SMARCB1: variants seen among roughly 807,000 people sequenced by gnomAD.
SMARCB1 encodes the protein SWI/SNF-related matrix-associated actin-dependent regulator of chromatin subfamily B member 1.
SMARCB1 carries 5 observed loss-of-function variants against 49.0 expected under a neutral mutation model. The ratio of observed to expected loss-of-function variants is 0.10; its 90% CI spans 0.05 to 0.21. The LOEUF (loss-of-function observed/expected upper bound fraction) is 0.21. SMARCB1 is among the 10% of genes least tolerant of loss of function. The pLI is 1.00. For synonymous variants in SMARCB1, 201 were observed against 200.1 expected (o/e 1.00, Z -0.04); for missense variants, 226 against 509.2 (o/e 0.44, Z 5.35).
intron 3 of SMARCB1, among the ~76,000 whole-genome samples, chr22:23,795,937 T>G (rs538383299): frequency 6.6e-6 from 1 of 151,740 alleles, no homozygotes; most frequent in South Asian, 2.1e-4. Flanking sequence ...ATTACTGGAA[T>G]GCACCACTAT....
chr22:23,792,052 G>T, intron 2 of SMARCB1, 158 bp downstream of exon 2: 1 of 724,146 alleles, frequency 1.4e-6, no homozygotes, highest in Non-Finnish European at 2.4e-6. Flanking sequence ...TCCAGGCAAG[G>T]AAGTGGCTCC....
intron 6 of SMARCB1, chr22:23,823,679 C>T (rs891581064): frequency 6.6e-6 from 1 of 152,094 alleles, no homozygotes; most frequent in Non-Finnish European, 1.5e-5. Context: ...CACGTATAGT[C>T]GCAGCTACTC....
chr22:23,801,297 C>T, intron 4 of SMARCB1: 1 of 748,068 alleles, frequency 1.3e-6, no homozygotes, highest in Non-Finnish European at 2.3e-6. Context: ...TTGCCATGTC[C>T]TCCTCACCTC....
At position 23,787,360 on chromosome 22, in the gene SMARCB1, C is replaced by G. The variant is rs919665422; in HGVS notation, c.93+98C>G. 16 of 531,574 alleles carry G rather than the reference C, an allele frequency of 3.0e-5. No homozygotes were observed. The South Asian group carries it at 3.7e-4, about 12-fold the overall frequency. The allele number at this position is 531,574 out of a possible 1,614,324, so 32.9% of individuals were successfully genotyped here. A position where few individuals can be genotyped will look rare whatever the true frequency, so the allele number is the denominator to read the frequency against. On this transcript the variant is annotated intron_variant, in intron 1 of 8. Coordinates refer to ENST00000644036, the MANE Select transcript of SMARCB1 (RefSeq NM_003073.5). ...GAGCGCGCGTCTCCATTCATCGGGG[C>G]GGGCGGGCGCGCGCGCGCGCGCTCG... is the stretch of plus-strand genomic sequence containing the variant.
chr22:23,803,398 G>C lies in SMARCB1; in HGVS notation c.604G>C (p.Asp202His). The part of the protein sequence containing the change: ...DMEIDGQKLR[D>H]AFTWNMNEKL... ...GGAGATCGATGGGCAGAAGCTGCGA[G>C]ACGCCTTCACCTGGAACATGAATGG... Residue 202 changes from aspartate (D) to histidine (H), a missense_variant, in exon 5 of 9, where the codon GAC becomes CAC. By Grantham distance (81) the Asp-to-His change is moderately conservative. Around this residue, in one of 6 missense-constraint regions of SMARCB1, gnomAD observed 128 missense variants for 263.9 expected, o/e 0.49. Transcript: ENST00000644036. 1.9e-6 allele frequency: 3 copies of C among 1,614,190 alleles called. No individual in the cohort carries two copies. Among genetic ancestry groups the C allele is most frequent in the Non-Finnish European group, 2.5e-6 (3 of 1,180,044 alleles).
chr22:23,787,364 C>T (rs1458932358), intron 1 of SMARCB1, 102 bp downstream of exon 1: 4 of 503,376 alleles, frequency 7.9e-6, no homozygotes, highest in Non-Finnish European at 1.3e-5. Flanking sequence ...TCGGGGCGGG[C>T]GGGCGCGCGC....
chr22:23,827,830 G>A (rs776804936), intron 7 of SMARCB1, among the ~76,000 whole-genome samples: 2 of 152,084 alleles, frequency 1.3e-5, no homozygotes, highest in Admixed American at 6.5e-5. Context: ...TCCAACTCGC[G>A]TTCCCCCCAC....
chr22:23,787,452 TC>T (rs1195864290), intron 1 of SMARCB1, among the ~76,000 whole-genome samples, 190 bp downstream of exon 1: 1 of 151,954 alleles, frequency 6.6e-6, no homozygotes, highest in Non-Finnish European at 1.5e-5. Context: ...ACCTGGGATT[TC>T]CTTACTTATT....
intron 6 of SMARCB1, chr22:23,824,148 G>A (rs1371354902): frequency 1.3e-5 from 2 of 152,404 alleles, no homozygotes; most frequent in Non-Finnish European, 1.5e-5. Flanking sequence ...CAAGTGGGTG[G>A]TGATGTGCAG....
At chr22:23,788,607 T>C (rs1032617110) in intron 1 of SMARCB1, among the ~76,000 whole-genome samples, 1 of 152,046 alleles carries the variant, frequency 6.6e-6, no homozygotes, top group Non-Finnish European at 1.5e-5. Flanking sequence ...GGTTTTGCCA[T>C]GTTGCCCAGG....
In SMARCB1 at chr22:23,803,152, C is replaced by T. The variant is rs1601404643; in HGVS notation, c.501-143C>T. On this transcript the variant is annotated intron_variant, in intron 4 of 8. Transcript: ENST00000644036. ...GCCCCGGGACCCCTGCTAGCCTCGTCTGCTGCCTCAGCTGTTAGCTGACAA... is the reference window on the plus strand; with the variant it reads ...GCCCCGGGACCCCTGCTAGCCTCGTTTGCTGCCTCAGCTGTTAGCTGACAA... 1.2e-5 allele frequency: 13 copies of T among 1,096,132 alleles called. No homozygotes were observed. The East Asian group carries it at 2.6e-4, about 22-fold the overall frequency. The allele number at this position is 1,096,132 out of a possible 1,614,324, so 67.9% of individuals were successfully genotyped here.
At position 23,834,679 on chromosome 22, in the gene SMARCB1, G is replaced by A; in HGVS notation, c.*499G>A. 1 of 1,171,674 alleles carries A rather than the reference G, an allele frequency of 8.5e-7. No individual in the cohort carries two copies. Among genetic ancestry groups the A allele is most frequent in the Non-Finnish European group, 1.2e-6 (1 of 844,492 alleles). 72.6% of individuals were successfully genotyped at this position (1,171,674 alleles called of 1,614,324 possible). A position where few individuals can be genotyped will look rare whatever the true frequency, so the allele number is the denominator to read the frequency against. ...AAGTGGGCAGGTGGGGGTGAATGGG[G>A]CTCCGGGTAGCACCTCAGCTCCTCT... On this transcript the variant is annotated 3_prime_UTR_variant, in exon 9 of 9. Coordinates refer to ENST00000644036, the MANE Select transcript of SMARCB1 (RefSeq NM_003073.5).
rs566025901 is a variant in SMARCB1 at position 23,828,343 on chromosome 22, G to A, written c.986+2928G>A. 6.4e-4 allele frequency among the ~76,000 whole-genome samples: 96 copies of A among 149,078 alleles called. 1 individual carries two copies. The highest frequency in any genetic ancestry group is 2.1e-3 in the African/African-American group (87 of 40,912). On this transcript the variant is annotated intron_variant, in intron 7 of 8. Coordinates refer to ENST00000644036, the MANE Select transcript of SMARCB1 (RefSeq NM_003073.5). Reference sequence around the variant, plus strand: ...TGGGATTACAGGCGTGAGCCACCGCGCTCGGCCACATGACTTCTTAAGAAG... The same window carrying A: ...TGGGATTACAGGCGTGAGCCACCGCACTCGGCCACATGACTTCTTAAGAAG...
chr22:23,807,643 C>A (rs529070023), intron 5 of SMARCB1, among the ~76,000 whole-genome samples: 1 of 151,388 alleles, frequency 6.6e-6, no homozygotes, highest in Non-Finnish European at 1.5e-5. Context: ...TGAAGCCCAA[C>A]ATGATTAACC....
intron 5 of SMARCB1, chr22:23,815,786 C>T (rs1930156840): frequency 6.6e-6 from 1 of 152,222 alleles, no homozygotes; most frequent in South Asian, 2.1e-4. Context: ...CAGATACAGT[C>T]CTCTATCTTG....
intron 6 of SMARCB1, among the ~76,000 whole-genome samples, chr22:23,819,735 T>C (rs1403112586): frequency 9.0e-6 from 1 of 111,282 alleles, no homozygotes; most frequent in Middle Eastern, 3.8e-3. Flanking sequence ...TCCACTATAC[T>C]GCCTTTCTCG....
At chr22:23,799,167 C>T (rs1928969865) in intron 3 of SMARCB1, among the ~76,000 whole-genome samples, 2 of 152,128 alleles carry the variant, frequency 1.3e-5, no homozygotes, top group Non-Finnish European at 2.9e-5. Flanking sequence ...TCGCTGCCTG[C>T]TCCTGCTCAC....
rs774763517 is a variant in SMARCB1 at position 23,825,404 on chromosome 22, C to G, written c.975C>G (p.Thr325=). The change falls in exon 7 of 9, where the codon ACC becomes ACG. Residue 325 remains threonine (T), a synonymous_variant. Coordinates refer to ENST00000644036, the MANE Select transcript of SMARCB1 (RefSeq NM_003073.5). The part of the protein sequence containing the change: ...IRGQLSWHQK[T]YAFSENPLPT... ...GACAGCTGAGCTGGCATCAGAAGACCTACGCCTTCAGGTAGGATCATGCAT... is the reference window on the plus strand; with the variant it reads ...GACAGCTGAGCTGGCATCAGAAGACGTACGCCTTCAGGTAGGATCATGCAT... 1 of 1,614,050 alleles carries G rather than the reference C, an allele frequency of 6.2e-7. No homozygotes were observed. The highest frequency in any genetic ancestry group is 1.3e-5 in the African/African-American group (1 of 75,036).
chr22:23,803,266 G>A (rs369612214), intron 4 of SMARCB1, 29 bp from the exon 5 acceptor site: 6 of 1,613,896 alleles, frequency 3.7e-6, no homozygotes, highest in Non-Finnish European at 3.4e-6. Context: ...CGGCCCCCTC[G>A]CTGACTGTTG....
Sources: allele counts gnomAD v4.1 joint callset (sites outside exome capture counted in the v4.1 genomes callset), GRCh38; gene constraint gnomAD v4.1.1; regional missense constraint gnomAD v4.1.1; transcripts MANE v1.5; gene names NCBI Gene and HGNC (gene_info 2026-07-23, HGNC 2026-07-21).